Variants in USP2 observed in about 807,000 individuals in gnomAD.
USP2 encodes ubiquitin specific peptidase 2.
USP2 carries 33 observed loss-of-function variants against 72.0 expected under a neutral mutation model. The ratio of observed to expected loss-of-function variants is 0.46; its 90% confidence interval spans 0.35 to 0.61. The LOEUF (loss-of-function observed/expected upper bound fraction) is 0.61, where lower values mean the gene tolerates loss of function less well. Among genes scored for constraint, USP2 ranks in the 20% least tolerant of loss-of-function variants. USP2 has a pLI of 0.01. For missense variants in USP2, 691 were observed against 797.8 expected (o/e 0.87, Z 1.61); for synonymous variants, 296 against 312.5 (o/e 0.95, Z 0.56).
chr11:119,360,290 T>C, intron 2 of USP2, 56 bp from the exon 3 acceptor site: 2 of 1,591,622 alleles, frequency 1.3e-6, no homozygotes, highest in East Asian at 2.2e-5. Context: ...AGGCCTGTGC[T>C]GGGCTCTCTC....
intron 2 of USP2, chr11:119,364,225 C>A (rs1950817584): frequency 9.1e-7 from 1 of 1,100,716 alleles, no homozygotes; most frequent in African/African-American, 1.7e-5. Context: ...CCCGCCGGCG[C>A]CTCGGGCCCC....
rs560715050 is a variant in USP2, at chr11:119,357,981, T to C, written c.1422A>G (p.Pro474=). ...KEDVLDGDEK[P]TCCRCRGRKR... is the part of the protein sequence containing the mutation. ...TTGCTATTACCGAAGGGTGACTTACTGGCTTTTCATCTCCATCAAGCACAT... is the reference window on the plus strand; with the variant it reads ...TTGCTATTACCGAAGGGTGACTTACCGGCTTTTCATCTCCATCAAGCACAT... The change falls in exon 9 of 13, where the codon CCA becomes CCG. Residue 474 remains proline, a splice_region_variant and synonymous_variant. Coordinates refer to ENST00000260187, the MANE Select transcript of USP2 (RefSeq NM_004205.5). 1.2e-6 allele frequency: 2 copies of C among 1,614,218 alleles called. No homozygotes were observed. Among genetic ancestry groups the C allele is most frequent in the South Asian group, 1.1e-5 (1 of 91,084 alleles).
chr11:119,356,826 C>A lies in USP2; in HGVS notation c.*9G>T. The stretch of plus-strand genomic sequence containing the variant: ...CACGGGGAAGGGAGAAGGGACGTGG[C>A]TCCTGGCGCTACATTCGGGAGGGCG... On this transcript the variant is annotated 3_prime_UTR_variant, in exon 13 of 13. Coordinates refer to ENST00000260187, the MANE Select transcript of USP2 (RefSeq NM_004205.5). The A allele has an allele frequency of 6.4e-7, 1 of 1,557,362 alleles. No homozygotes were observed. The highest frequency in any genetic ancestry group is 1.2e-5 in the South Asian group (1 of 84,254).
chr11:119,357,685 C>A (rs1425074365), intron 10 of USP2, 72 bp downstream of exon 10: 1 of 1,613,240 alleles, frequency 6.2e-7, no homozygotes, highest in African/African-American at 1.3e-5. Context: ...GACTGTTCCC[C>A]TCACCTATGG....
In USP2 at chr11:119,372,711, C is replaced by G. The variant is rs748044711; in HGVS notation, c.770G>C (p.Gly257Ala). Residue 257 changes from glycine (G) to alanine (A), a missense_variant, in exon 2 of 13, where the codon GGC becomes GCC. Physicochemically the swap from Gly to Ala is moderately conservative, Grantham distance 60. Coordinates refer to ENST00000260187, the MANE Select transcript of USP2 (RefSeq NM_004205.5). ...PSRSSSPGRD[G>A]MNSKSAQGLA... Reference sequence around the variant, plus strand: ...GGTCCCCAAGGGTAAACTCACCATGCCGTCTCTTCCCGGGGAGCTGGAGCG... The same window carrying G: ...GGTCCCCAAGGGTAAACTCACCATGGCGTCTCTTCCCGGGGAGCTGGAGCG... The G allele has an allele frequency of 2.6e-6, 4 of 1,518,690 alleles. No homozygotes were observed. The highest frequency in any genetic ancestry group is 2.2e-5 in the Admixed American group (1 of 44,492). 94.1% of individuals were successfully genotyped at this position (1,518,690 alleles called of 1,614,324 possible).
At chr11:119,381,318 C>T in intron 1 of USP2, 155 bp downstream of exon 1, 1 of 824,298 alleles carries the variant, frequency 1.2e-6, no homozygotes, top group Non-Finnish European at 1.9e-6. Flanking sequence ...ACACAACTGG[C>T]AGACACAGCT....
chr11:119,364,729 A>C (rs1467533732), intron 2 of USP2, among the ~76,000 whole-genome samples: 6 of 152,200 alleles, frequency 3.9e-5, no homozygotes, highest in Non-Finnish European at 5.9e-5. Context: ...TGCCCAGGTT[A>C]AGAAGATGGA....
At chr11:119,371,813 C>T (rs1456184565) in intron 2 of USP2, among the ~76,000 whole-genome samples, 1 of 149,570 alleles carries the variant, frequency 6.7e-6, no homozygotes, top group Non-Finnish European at 1.5e-5. Flanking sequence ...ATCCACCCAC[C>T]CACCACCCAC....
chr11:119,356,955 G>C, intron 12 of USP2, 33 bp from the exon 13 acceptor site: 1 of 1,547,834 alleles, frequency 6.5e-7, no homozygotes, highest in South Asian at 1.2e-5. Context: ...GCCCGGAGCG[G>C]GCAGGACCGG....
chr11:119,370,126 G>A (rs565015659), intron 2 of USP2, among the ~76,000 whole-genome samples: 92 of 152,232 alleles, frequency 6.0e-4, no homozygotes, highest in Non-Finnish European at 1.1e-3. Flanking sequence ...AGTGAGCCGA[G>A]ATCGCACCAC....
rs984356401 is a variant in USP2 at position 119,357,203 on chromosome 11, T to C, written c.1714A>G (p.Thr572Ala). 1.9e-6 allele frequency: 3 copies of C among 1,613,242 alleles called. No homozygotes were observed. Among genetic ancestry groups the C allele is most frequent in the Non-Finnish European group, 2.5e-6 (3 of 1,179,846 alleles). The change falls in exon 12 of 13, where the codon ACT becomes GCT. Residue 572 changes from threonine to alanine, a missense_variant. Physicochemically the swap from Thr to Ala is moderately conservative, Grantham distance 58 (BLOSUM62 0). Transcript: ENST00000260187. ...CRSPGTGEWH[T>A]FNDSSVTPMS... The stretch of plus-strand genomic sequence containing the variant: ...GGCTCTCACCTGGAGTCGTTGAAAG[T>C]GTGCCATTCTCCTGTCCCTGGACTG...
At chr11:119,368,350 C>G (rs1245213310) in intron 2 of USP2, among the ~76,000 whole-genome samples, 1 of 152,216 alleles carries the variant, frequency 6.6e-6, no homozygotes, top group African/African-American at 2.4e-5. Flanking sequence ...GGGATACAGG[C>G]CAGTGTGGCT....
intron 2 of USP2, among the ~76,000 whole-genome samples, chr11:119,372,035 C>G (rs1950934848): frequency 6.6e-6 from 1 of 152,212 alleles, no homozygotes; most frequent in African/African-American, 2.4e-5. Flanking sequence ...CATGCCAGCC[C>G]TTGGTCAGTC....
chr11:119,364,230 G>A, intron 2 of USP2: 2 of 1,091,070 alleles, frequency 1.8e-6, no homozygotes, highest in Non-Finnish European at 2.2e-6. Flanking sequence ...CGGCGCCTCG[G>A]GCCCCGCGAC....
At chr11:119,379,348 A>G (rs1951035253) in intron 1 of USP2, 2 of 461,946 alleles carry the variant, frequency 4.3e-6, no homozygotes, top group African/African-American at 4.3e-5. Context: ...AAGAGGAAAG[A>G]GCATTGAAAA....
intron 2 of USP2, among the ~76,000 whole-genome samples, chr11:119,371,274 C>T (rs1950922562): frequency 6.6e-6 from 1 of 152,158 alleles, no homozygotes; most frequent in Non-Finnish European, 1.5e-5. Flanking sequence ...ACCCGAGCCC[C>T]TCCGAGGAGA....
chr11:119,360,342 A>G, intron 2 of USP2, 108 bp from the exon 3 acceptor site: 2 of 1,097,316 alleles, frequency 1.8e-6, no homozygotes, highest in African/African-American at 1.6e-5. Flanking sequence ...AGCAGGCCAC[A>G]CATAATATTC....
intron 1 of USP2, chr11:119,379,251 G>T: frequency 1.0e-6 from 1 of 985,468 alleles, no homozygotes; most frequent in Non-Finnish European, 1.2e-6. Flanking sequence ...ACCTTGAGGG[G>T]CTGCCCTTTC....
chr11:119,372,630 G>A (rs1199258730), intron 2 of USP2, 77 bp downstream of exon 2: 39 of 1,404,254 alleles, frequency 2.8e-5, no homozygotes, highest in Non-Finnish European at 3.6e-5. Flanking sequence ...CAGGTTGGGA[G>A]TCGAGCCCTC....
Sources: allele counts gnomAD v4.1 joint callset (sites outside exome capture counted in the v4.1 genomes callset), GRCh38; gene constraint gnomAD v4.1.1; transcripts MANE v1.5; gene names NCBI Gene and HGNC (gene_info 2026-07-23, HGNC 2026-07-21).